Variants in SLC24A2 observed in about 807,000 individuals in gnomAD.
SLC24A2 encodes solute carrier family 24 member 2.
In SLC24A2, 36 loss-of-function variants were observed where a neutral mutation model predicts 62.0. The ratio of observed to expected loss-of-function variants is 0.58; its 90% confidence interval spans 0.44 to 0.77. SLC24A2 has a LOEUF of 0.77. SLC24A2 is among the 30% of genes least tolerant of loss of function. SLC24A2 has a pLI of 0.00. For synonymous variants in SLC24A2, 358 were observed against 294.0 expected, an observed-to-expected ratio of 1.22 and a Z score of -2.23; for missense variants, 846 against 817.9, an observed-to-expected ratio of 1.03 and a Z score of -0.42.
the SLC24A2 span, among the ~76,000 whole-genome samples, chr9:20,051,979 C>T: frequency 3.2e-4 from 48 of 151,996 alleles, no homozygotes; most frequent in Non-Finnish European, 6.2e-4. Flanking sequence ...GCTCGCAGGA[C>T]ACTGTAAGCA....
At chr9:20,205,919 G>A in the SLC24A2 span, among the ~76,000 whole-genome samples, 1 of 152,008 alleles carries the variant, frequency 6.6e-6, no homozygotes, top group Non-Finnish European at 1.5e-5. Flanking sequence ...TGAATTATCT[G>A]ATTTTTATTG....
intron 7 of SLC24A2, among the ~76,000 whole-genome samples, chr9:19,558,646 A>AG (rs1835228311): frequency 6.6e-6 from 1 of 152,226 alleles, no homozygotes. Flanking sequence ...GAACTGAAAT[A>AG]GGAGATAATT....
the SLC24A2 span, among the ~76,000 whole-genome samples, chr9:20,109,692 T>C: frequency 3.3e-5 from 5 of 152,184 alleles, no homozygotes; most frequent in Admixed American, 6.5e-5. Flanking sequence ...CATACACCTA[T>C]TCCCTCTATT....
chr9:20,000,299 G>A, the SLC24A2 span, among the ~76,000 whole-genome samples: 1 of 152,088 alleles, frequency 6.6e-6, no homozygotes, highest in Non-Finnish European at 1.5e-5. Flanking sequence ...TATGGATAAG[G>A]AATTGGAGGA....
At chr9:20,210,427 A>G in the SLC24A2 span, among the ~76,000 whole-genome samples, 1 of 152,176 alleles carries the variant, frequency 6.6e-6, no homozygotes, top group Non-Finnish European at 1.5e-5. Context: ...TAGCATTTAA[A>G]GGGAGAAGAA....
At chr9:20,203,290 A>C in the SLC24A2 span, among the ~76,000 whole-genome samples, 1 of 152,104 alleles carries the variant, frequency 6.6e-6, no homozygotes, top group African/African-American at 2.4e-5. Flanking sequence ...AATATACATC[A>C]TGATCTTTTT....
At chr9:20,247,814 G>A in the SLC24A2 span, among the ~76,000 whole-genome samples, 1 of 152,178 alleles carries the variant, frequency 6.6e-6, no homozygotes, top group Non-Finnish European at 1.5e-5. Context: ...AAGAGCATGA[G>A]TTTGAATTCA....
chr9:20,048,735 T>A, the SLC24A2 span, among the ~76,000 whole-genome samples: 3 of 152,054 alleles, frequency 2.0e-5, no homozygotes, highest in East Asian at 5.8e-4. Context: ...AAGTAATTCC[T>A]TTTAGTACAT....
chr9:19,561,378 C>G (rs1318682611), intron 7 of SLC24A2, among the ~76,000 whole-genome samples: 1 of 151,514 alleles, frequency 6.6e-6, no homozygotes, highest in Non-Finnish European at 1.5e-5. Flanking sequence ...AAACATTTGT[C>G]TTGCCTTCTG....
At chr9:19,740,635 A>T (rs1371490199) in intron 2 of SLC24A2, among the ~76,000 whole-genome samples, 2 of 152,170 alleles carry the variant, frequency 1.3e-5, no homozygotes, top group Non-Finnish European at 2.9e-5. Flanking sequence ...TTACATGAAC[A>T]TGTTACTTTG....
At chr9:19,803,674 T>C in the SLC24A2 span, among the ~76,000 whole-genome samples, 5 of 152,168 alleles carry the variant, frequency 3.3e-5, no homozygotes, top group African/African-American at 1.2e-4. Context: ...CAGAGAGAAT[T>C]ACCCAATAAT....
chr9:19,965,650 T>A, the SLC24A2 span, among the ~76,000 whole-genome samples: 1 of 152,296 alleles, frequency 6.6e-6, no homozygotes, highest in African/African-American at 2.4e-5. Context: ...AAAATAGCTA[T>A]GAAAACAATT....
At chr9:20,240,892 G>A in the SLC24A2 span, among the ~76,000 whole-genome samples, 2 of 152,162 alleles carry the variant, frequency 1.3e-5, no homozygotes, top group Non-Finnish European at 2.9e-5. Flanking sequence ...CAGTTACAGA[G>A]TCTCTGCCCC....
chr9:19,719,397 T>C (rs1327547653), intron 2 of SLC24A2, among the ~76,000 whole-genome samples: 3 of 152,196 alleles, frequency 2.0e-5, no homozygotes, highest in African/African-American at 4.8e-5. Flanking sequence ...CTACTCCACA[T>C]CATGTTTTGC....
the SLC24A2 span, among the ~76,000 whole-genome samples, chr9:20,230,178 G>A: frequency 6.6e-6 from 1 of 152,096 alleles, no homozygotes; most frequent in African/African-American, 2.4e-5. Flanking sequence ...AGGGTGAATA[G>A]TGCCACTATA....
At chr9:19,564,958 G>A (rs4977561) in intron 7 of SLC24A2, among the ~76,000 whole-genome samples, 131,703 of 151,948 alleles carry the variant, frequency 0.87, 57,685 homozygotes, top group East Asian at 1. Context: ...AGAAAATGCT[G>A]GGTTCTGGGT....
At position 19,563,831 on chromosome 9, in the gene SLC24A2, TCCCTC is replaced by T. The variant is rs1563968854; in HGVS notation, c.1347+9515_1347+9519del. On this transcript the variant is annotated intron_variant, in intron 7 of 10. Transcript: ENST00000341998. ...CTTCCTTCCTTCCTTCCTTCCTCCC[TCCCTC>T]CCTCCCTCCCTCCCTCCCTCCCTCC... 8.8e-3 allele frequency among the ~76,000 whole-genome samples: 593 copies of T among 67,236 alleles called. 9 individuals are homozygous for T. Among genetic ancestry groups the T allele is most frequent in the Admixed American group, 0.012 (75 of 6,254 alleles). The allele number at this position is 67,236 out of a possible 152,430, so 44.1% of individuals were successfully genotyped here. A position where few individuals can be genotyped will look rare whatever the true frequency, so the allele number is the denominator to read the frequency against.
At chr9:20,228,536 C>A in the SLC24A2 span, among the ~76,000 whole-genome samples, 2 of 151,988 alleles carry the variant, frequency 1.3e-5, no homozygotes, top group African/African-American at 4.8e-5. Flanking sequence ...AAGGTGACTC[C>A]AAGTGGAAGG....
At chr9:20,047,871 C>G in the SLC24A2 span, among the ~76,000 whole-genome samples, 2 of 151,502 alleles carry the variant, frequency 1.3e-5, no homozygotes, top group African/African-American at 4.9e-5. Flanking sequence ...AAGGTTAAAG[C>G]AGGTAGGTTT....
Sources: gnomAD v4.1 joint callset for allele counts (sites outside exome capture counted in the v4.1 genomes callset) on GRCh38, gnomAD v4.1.1 for gene constraint, MANE v1.5 for transcripts, NCBI Gene and HGNC (gene_info 2026-07-23, HGNC 2026-07-21) for gene names.